The following ANKFN1 variants were observed in gnomAD, a reference collection of about 807,000 sequenced individuals.
ANKFN1 encodes ankyrin repeat and fibronectin type-III domain-containing protein 1.
ANKFN1 carries 74 observed loss-of-function variants against 108.7 expected under a neutral mutation model. That is an observed-to-expected ratio of 0.68 (90% CI 0.56 to 0.83). The LOEUF is 0.83. Ranked by LOEUF, ANKFN1 falls within the 40% of genes least tolerant of loss-of-function variation. The pLI is 0.00. For synonymous variants in ANKFN1, 547 were observed against 516.2 expected (o/e 1.06, Z -0.81); for missense variants, 1,505 against 1,382.3 (o/e 1.09, Z -1.41).
intron 4 of ANKFN1, among the ~76,000 whole-genome samples, chr17:56,052,895 T>C (rs988877264): frequency 6.6e-6 from 1 of 152,212 alleles, no homozygotes; most frequent in African/African-American, 2.4e-5. Context: ...ACTTGAAAGT[T>C]GTAGGACCAC....
chr17:56,407,138 A>G, intron 8 of ANKFN1, among the ~76,000 whole-genome samples: 1 of 152,226 alleles, frequency 6.6e-6, no homozygotes, highest in Non-Finnish European at 1.5e-5. Flanking sequence ...GGAGGTAAGC[A>G]TGGAACCCAG....
intron 13 of ANKFN1, 75 bp downstream of exon 13, chr17:56,457,464 T>G (rs2049747621): frequency 7.0e-7 from 1 of 1,438,706 alleles, no homozygotes; most frequent in African/African-American, 1.4e-5. Flanking sequence ...AAACATTAGT[T>G]GAGGGGTCTC....
intron 19 of ANKFN1, among the ~76,000 whole-genome samples, chr17:56,496,058 G>C (rs943805235): frequency 6.6e-6 from 1 of 152,018 alleles, no homozygotes; most frequent in Non-Finnish European, 1.5e-5. Flanking sequence ...GGGGGATTAT[G>C]TTGTCAGTTA....
At chr17:56,252,096 A>G (rs2043248046) in intron 3 of ANKFN1, 1 of 152,244 alleles carries the variant, frequency 6.6e-6, no homozygotes, top group African/African-American at 2.4e-5. Context: ...GCTAGCTTCC[A>G]TTTGCTATTC....
chr17:56,219,406 C>T (rs1915683132), intron 2 of ANKFN1, among the ~76,000 whole-genome samples: 2 of 152,144 alleles, frequency 1.3e-5, no homozygotes, highest in South Asian at 4.1e-4. Flanking sequence ...ACCACCATGC[C>T]TGGCTAATTT....
At chr17:56,413,128 A>T (rs938095299) in intron 8 of ANKFN1, among the ~76,000 whole-genome samples, 8 of 151,988 alleles carry the variant, frequency 5.3e-5, no homozygotes, top group South Asian at 2.1e-4. Flanking sequence ...CATTTTTTTT[A>T]AATCTTTCAC....
intron 3 of ANKFN1, among the ~76,000 whole-genome samples, chr17:56,318,244 G>T (rs759279183): frequency 1.5e-4 from 23 of 152,042 alleles, no homozygotes; most frequent in Non-Finnish European, 2.6e-4. Flanking sequence ...GGTTCTGGGG[G>T]GGGTGTGCTG....
chr17:56,499,962 C>A (rs191856526), intron 20 of ANKFN1, among the ~76,000 whole-genome samples: 76 of 152,208 alleles, frequency 5.0e-4, no homozygotes, highest in Middle Eastern at 3.4e-3. Flanking sequence ...AATAAATAGG[C>A]CTGATTTGTG....
intron 4 of ANKFN1, among the ~76,000 whole-genome samples, chr17:56,143,037 G>A (rs949490688): frequency 3.3e-5 from 5 of 152,138 alleles, no homozygotes. Context: ...TGTTTAGTTA[G>A]TATTCACAGG....
intron 2 of ANKFN1, among the ~76,000 whole-genome samples, chr17:56,219,541 C>A (rs1319114039): frequency 6.6e-6 from 1 of 152,092 alleles, no homozygotes; most frequent in Non-Finnish European, 1.5e-5. Context: ...GCCACTGTGG[C>A]CAATCAATAT....
At chr17:56,499,511 G>A (rs1024944290) in intron 20 of ANKFN1, among the ~76,000 whole-genome samples, 1 of 152,086 alleles carries the variant, frequency 6.6e-6, no homozygotes, top group African/African-American at 2.4e-5. Flanking sequence ...CAAGAACGAG[G>A]CAGGAAACAG....
At chr17:56,060,495 C>G (rs911380560) in intron 4 of ANKFN1, among the ~76,000 whole-genome samples, 1 of 152,110 alleles carries the variant, frequency 6.6e-6, no homozygotes, top group Admixed American at 6.5e-5. Context: ...GAGAGGGGAT[C>G]CTTTTCTTGT....
intron 3 of ANKFN1, among the ~76,000 whole-genome samples, chr17:56,291,470 C>A (rs770924535): frequency 6.6e-6 from 1 of 152,130 alleles, no homozygotes; most frequent in Non-Finnish European, 1.5e-5. Context: ...CCTTCTGATA[C>A]CCAGATGTCT....
At chr17:56,396,066 C>G (rs928235694) in intron 8 of ANKFN1, among the ~76,000 whole-genome samples, 3 of 152,158 alleles carry the variant, frequency 2.0e-5, no homozygotes, top group African/African-American at 7.2e-5. Context: ...CAAAAAAATG[C>G]TTGATGTCAG....
intron 4 of ANKFN1, among the ~76,000 whole-genome samples, chr17:56,108,266 C>T (rs1905787501): frequency 6.6e-6 from 1 of 152,150 alleles, no homozygotes; most frequent in Non-Finnish European, 1.5e-5. Context: ...AATCTCTTGA[C>T]CTCGTGATCT....
rs2051902165 is a variant in ANKFN1, at chr17:56,515,869, GT to G, written c.*4603del. The stretch of plus-strand genomic sequence containing the variant: ...GTTATTCAAAAGGATGGTTGGCTTT[GT>G]TTAACAATTGGATAGGTGGGCTGTG... On this transcript the variant is annotated 3_prime_UTR_variant, in exon 21 of 21. Transcript: ENST00000682825. Among the ~76,000 whole-genome samples the G allele has an allele frequency of 6.6e-6, 1 of 152,132 alleles. No individual in the cohort carries two copies. The highest frequency in any genetic ancestry group is 2.4e-5 in the African/African-American group (1 of 41,438).
At chr17:56,467,624 C>T (rs762566928) in intron 15 of ANKFN1, among the ~76,000 whole-genome samples, 2 of 147,332 alleles carry the variant, frequency 1.4e-5, no homozygotes, top group Admixed American at 6.8e-5. Flanking sequence ...TTGCAGTGAG[C>T]CGAGATCACG....
chr17:56,105,885 T>C (rs1905742789), intron 4 of ANKFN1, among the ~76,000 whole-genome samples: 1 of 151,916 alleles, frequency 6.6e-6, no homozygotes, highest in Non-Finnish European at 1.5e-5. Context: ...GGTGAGAGGA[T>C]AGTGGTGGTG....
intron 11 of ANKFN1, 94 bp from the exon 12 acceptor site, chr17:56,456,767 T>G: frequency 5.3e-6 from 5 of 951,072 alleles, no homozygotes; most frequent in Non-Finnish European, 6.7e-6. Context: ...ACTAAAGGGA[T>G]GGGGGAGGGG....
Sources: allele counts gnomAD v4.1 joint callset (sites outside exome capture counted in the v4.1 genomes callset), GRCh38; gene constraint gnomAD v4.1.1; transcripts MANE v1.5; gene names NCBI Gene and HGNC (gene_info 2026-07-23, HGNC 2026-07-21).